RERE: variants seen among roughly 807,000 people sequenced by gnomAD.
RERE encodes the protein arginine-glutamic acid dipeptide repeats protein.
RERE carries 40 observed loss-of-function variants against 146.1 expected under a neutral mutation model. That is an observed-to-expected ratio of 0.27 (90% CI 0.21 to 0.36). The LOEUF (loss-of-function observed/expected upper bound fraction) is 0.36. Among genes scored for constraint, RERE ranks in the 10% least tolerant of loss-of-function variants. The probability of loss-of-function intolerance (pLI) is 1.00; values close to 1 mark genes in which losing one functional copy is unlikely to be tolerated. For synonymous variants in RERE, 1,003 were observed against 866.0 expected (o/e 1.16, Z -2.78); for missense variants, 1,933 against 2,138.7 (o/e 0.90, Z 1.90).
At chr1:8,800,837 C>T (rs544380322) in intron 1 of RERE, among the ~76,000 whole-genome samples, 1 of 152,078 alleles carries the variant, frequency 6.6e-6, no homozygotes, top group Non-Finnish European at 1.5e-5. Context: ...TGGTGGCACA[C>T]GCCTGTAGTC....
At chr1:8,716,517 T>C (rs188115045) in intron 1 of RERE, among the ~76,000 whole-genome samples, 1 of 151,822 alleles carries the variant, frequency 6.6e-6, no homozygotes, top group Non-Finnish European at 1.5e-5. Flanking sequence ...TTTAGCAATA[T>C]TGAGATAAGT....
chr1:8,769,508 C>A (rs1640906165), intron 1 of RERE, among the ~76,000 whole-genome samples: 1 of 152,158 alleles, frequency 6.6e-6, no homozygotes. Flanking sequence ...GAGACAGGGT[C>A]TCAATCGCTC....
At chr1:8,567,318 T>C (rs1446897567) in intron 4 of RERE, among the ~76,000 whole-genome samples, 1 of 152,192 alleles carries the variant, frequency 6.6e-6, no homozygotes, top group African/African-American at 2.4e-5. Context: ...TATCAGATGT[T>C]GAAGCATGAA....
chr1:8,462,107 A>G (rs1448256111), intron 11 of RERE, among the ~76,000 whole-genome samples: 1 of 152,210 alleles, frequency 6.6e-6, no homozygotes. Flanking sequence ...TGAGGCATGT[A>G]AAAGTTTTTC....
intron 1 of RERE, among the ~76,000 whole-genome samples, chr1:8,681,838 T>A (rs562861214): frequency 1.3e-5 from 2 of 152,140 alleles, no homozygotes; most frequent in Non-Finnish European, 2.9e-5. Flanking sequence ...ATTAAATAAG[T>A]AGGACAGGAA....
Position 8,648,107 on chromosome 1 carries a change from T to C in RERE, c.325+7866A>G, listed in dbSNP as rs185296794. On this transcript the variant is annotated intron_variant, in intron 2 of 22. Transcript: ENST00000400908. ...CTTAATGTTCTGTTCCCTGTACCCA[T>C]AGGGCAATCTCTCTCCTGACTTCAA... 7.9e-4 allele frequency among the ~76,000 whole-genome samples: 121 copies of C among 152,316 alleles called. 1 individual carries two copies. Among genetic ancestry groups the C allele is most frequent in the South Asian group, 5.6e-3 (27 of 4,826 alleles).
At chr1:8,694,498 C>T (rs974169593) in intron 1 of RERE, among the ~76,000 whole-genome samples, 2 of 152,072 alleles carry the variant, frequency 1.3e-5, no homozygotes, top group African/African-American at 2.4e-5. Context: ...GGGTGGCTCA[C>T]GCTTGTAATC....
At chr1:8,536,381 G>A (rs1050895576) in intron 7 of RERE, among the ~76,000 whole-genome samples, 2 of 152,134 alleles carry the variant, frequency 1.3e-5, no homozygotes, top group Admixed American at 6.5e-5. Context: ...GAAGGATCAA[G>A]CCGTCAGATT....
intron 1 of RERE, among the ~76,000 whole-genome samples, chr1:8,773,613 G>C (rs1025976913): frequency 2.0e-5 from 3 of 152,138 alleles, no homozygotes; most frequent in South Asian, 2.1e-4. Flanking sequence ...ATCACAAGGT[G>C]AGGAGTTCGA....
intron 12 of RERE, among the ~76,000 whole-genome samples, chr1:8,371,032 A>G (rs897660053): frequency 1.3e-5 from 2 of 152,142 alleles, no homozygotes; most frequent in African/African-American, 2.4e-5. Context: ...CACAGTCAAC[A>G]TATCTTATGT....
intron 12 of RERE, among the ~76,000 whole-genome samples, chr1:8,383,043 G>T (rs934906681): frequency 4.6e-5 from 7 of 151,378 alleles, no homozygotes; most frequent in Non-Finnish European, 1.0e-4. Flanking sequence ...TCAAAGAATG[G>T]TTTCTGCAAC....
At chr1:8,744,624 T>C (rs1569693565) in intron 1 of RERE, among the ~76,000 whole-genome samples, 2 of 152,270 alleles carry the variant, frequency 1.3e-5, no homozygotes, top group Admixed American at 1.3e-4. Flanking sequence ...AAATAGCTCA[T>C]AATATGGTCT....
At position 8,364,297 on chromosome 1, in the gene RERE, C is replaced by CCT; in HGVS notation, c.1541-44_1541-43dup. On this transcript the variant is annotated intron_variant, in intron 14 of 22. Coordinates refer to ENST00000400908, the MANE Select transcript of RERE (RefSeq NM_001042681.2). This position sits in a 1 kb window ranked among gnomAD's most constrained non-coding sequence, Gnocchi z 5.1. ...GTGGGGGCCAACCTTGGAAACCATC[C>CCT]CTCTCCCTGGGGATGTCTGGGCAGA... 6.3e-7 allele frequency: 1 copy of CCT among 1,579,334 alleles called. No homozygotes were observed. Among genetic ancestry groups the CCT allele is most frequent in the Non-Finnish European group, 8.7e-7 (1 of 1,149,212 alleles).
chr1:8,585,146 C>CA (rs3082123), intron 4 of RERE, among the ~76,000 whole-genome samples: 4,627 of 130,052 alleles, frequency 0.036, 202 homozygotes, highest in African/African-American at 0.097. Flanking sequence ...GACTCCATCT[C>CA]AAAAAAAAAA....
At chr1:8,695,241 T>C (rs1639302595) in intron 1 of RERE, among the ~76,000 whole-genome samples, 1 of 152,078 alleles carries the variant, frequency 6.6e-6, no homozygotes, top group Non-Finnish European at 1.5e-5. Flanking sequence ...ACCGCTACCT[T>C]TTCCCATATA....
intron 12 of RERE, among the ~76,000 whole-genome samples, chr1:8,368,027 G>A (rs1051671178): frequency 6.6e-6 from 1 of 152,202 alleles, no homozygotes; most frequent in African/African-American, 2.4e-5. Flanking sequence ...CTCTGTCCAA[G>A]GTCATGCTTC....
chr1:8,400,149 AGT>A (rs1557610966), intron 12 of RERE, among the ~76,000 whole-genome samples: 3 of 150,978 alleles, frequency 2.0e-5, no homozygotes, highest in South Asian at 4.2e-4. Flanking sequence ...CCACTAATTA[AGT>A]GTCTACATTT....
At chr1:8,622,578 T>C (rs142893946) in intron 3 of RERE, among the ~76,000 whole-genome samples, 2,274 of 148,534 alleles carry the variant, frequency 0.015, 60 homozygotes, top group African/African-American at 0.054. Context: ...AAAATTCATA[T>C]AGACATAAAA....
chr1:8,534,729 G>A (rs1645702854), intron 7 of RERE, among the ~76,000 whole-genome samples: 1 of 152,150 alleles, frequency 6.6e-6, no homozygotes, highest in South Asian at 2.1e-4. Flanking sequence ...CAGTCACAAA[G>A]CAACCTCCCA....
Sources: allele counts gnomAD v4.1 joint callset (sites outside exome capture counted in the v4.1 genomes callset), GRCh38; gene constraint gnomAD v4.1.1; non-coding constraint Gnocchi (gnomAD v3.1); transcripts MANE v1.5; gene names NCBI Gene and HGNC (gene_info 2026-07-23, HGNC 2026-07-21).